SBNO1: variants seen among roughly 807,000 people sequenced by gnomAD.
The protein encoded by SBNO1 is protein strawberry notch homolog 1.
Under a neutral mutation model 173.6 loss-of-function variants are expected in SBNO1, and 23 were observed. The observed-to-expected ratio is 0.13, with a 90% CI of 0.10 to 0.19. The LOEUF is 0.19. Ranked by LOEUF, SBNO1 falls within the 10% of genes least tolerant of loss-of-function variation. The pLI, the probability that SBNO1 is intolerant of heterozygous loss-of-function variation, is 1.00. For missense variants in SBNO1, 1,238 were observed against 1,671.2 expected (o/e 0.74, Z 4.52); for synonymous variants, 632 against 571.5 (o/e 1.11, Z -1.51).
intron 23 of SBNO1, 88 bp from the exon 24 acceptor site, chr12:123,313,807 G>A: frequency 1.4e-6 from 1 of 739,330 alleles, no homozygotes; most frequent in Non-Finnish European, 2.3e-6. Context: ...AAAAACTACT[G>A]GCTGGGTGCG....
chr12:123,303,038 T>A (rs1012977846), intron 29 of SBNO1, 138 bp from the exon 30 acceptor site: 18 of 639,688 alleles, frequency 2.8e-5, no homozygotes, highest in Non-Finnish European at 5.6e-6. Context: ...ATTAACTGAA[T>A]CTGAACGCCA....
rs146350036 is a variant in SBNO1 at position 123,325,089 on chromosome 12, C to A, written c.1973+413G>T. Among the ~76,000 whole-genome samples, 242 of 152,248 alleles carry A rather than the reference C, an allele frequency of 1.6e-3. 3 individuals carry two copies. The highest frequency in any genetic ancestry group is 5.5e-3 in the African/African-American group (227 of 41,542). On this transcript the variant is annotated intron_variant, in intron 15 of 31. Transcript: ENST00000602398. ...GCCTCCCAAAGTGCTGAGATTACAG[C>A]TGTGAGCCACCATGCTCAGCCAACT... is the stretch of plus-strand genomic sequence containing the variant.
At chr12:123,307,020 T>TTA (rs755357101) in intron 28 of SBNO1, among the ~76,000 whole-genome samples, 12 of 64,414 alleles carry the variant, frequency 1.9e-4, no homozygotes, top group Non-Finnish European at 2.5e-4. Flanking sequence ...TCAACTGCAT[T>TTA]AAAAAAAAAA....
chr12:123,364,380 C>A (rs1201247186), intron 1 of SBNO1: 1 of 985,158 alleles, frequency 1.0e-6, no homozygotes, highest in African/African-American at 1.7e-5. Context: ...CGTGCACAGA[C>A]CCTGCCCCGC....
At chr12:123,360,161 C>T (rs553908790) in intron 1 of SBNO1, among the ~76,000 whole-genome samples, 1 of 151,740 alleles carries the variant, frequency 6.6e-6, no homozygotes, top group Admixed American at 6.6e-5. Context: ...AGGAGAATCG[C>T]TTGAATCTGG....
chr12:123,324,646 C>T (rs548571792), intron 15 of SBNO1, among the ~76,000 whole-genome samples: 2 of 151,952 alleles, frequency 1.3e-5, no homozygotes, highest in Non-Finnish European at 2.9e-5. Flanking sequence ...TGAATGCATC[C>T]CGAGGCACAA....
chr12:123,340,347 G>A (rs898938621), intron 5 of SBNO1, among the ~76,000 whole-genome samples: 33 of 152,066 alleles, frequency 2.2e-4, no homozygotes, highest in African/African-American at 7.5e-4. Context: ...TTCGGAGGCT[G>A]AGGCGGGCAG....
intron 1 of SBNO1, among the ~76,000 whole-genome samples, chr12:123,363,360 G>A (rs932940825): frequency 6.6e-6 from 1 of 152,106 alleles, no homozygotes; most frequent in African/African-American, 2.4e-5. Context: ...AGAAAATATG[G>A]TGGAAAATAG....
intron 7 of SBNO1, among the ~76,000 whole-genome samples, chr12:123,332,424 T>C: frequency 6.6e-6 from 1 of 152,066 alleles, no homozygotes; most frequent in Middle Eastern, 3.2e-3. Context: ...CCCGAGTAGC[T>C]AGGATTACAG....
chr12:123,362,560 G>A (rs1012198801), intron 1 of SBNO1, among the ~76,000 whole-genome samples: 2 of 150,572 alleles, frequency 1.3e-5, no homozygotes, highest in Non-Finnish European at 3.0e-5. Flanking sequence ...GAGGTCACTA[G>A]TGTGAGACCA....
intron 3 of SBNO1, among the ~76,000 whole-genome samples, chr12:123,346,840 C>T (rs1440530713): frequency 4.0e-5 from 6 of 151,722 alleles, no homozygotes; most frequent in Non-Finnish European, 7.4e-5. Context: ...CACTTTGGGA[C>T]GCTGAGATGG....
chr12:123,344,481 A>G (rs12298826), intron 4 of SBNO1, among the ~76,000 whole-genome samples: 41,121 of 152,084 alleles, frequency 0.27, 6,744 homozygotes, highest in African/African-American at 0.45. Context: ...GTCACTTAAG[A>G]CAAAGTTCTA....
intron 17 of SBNO1, among the ~76,000 whole-genome samples, chr12:123,321,099 C>G (rs916808481): frequency 6.6e-6 from 1 of 152,142 alleles, no homozygotes; most frequent in African/African-American, 2.4e-5. Flanking sequence ...GCCACCACAC[C>G]TGGCTAATTT....
intron 7 of SBNO1, among the ~76,000 whole-genome samples, chr12:123,333,182 A>T (rs927569198): frequency 1.3e-5 from 2 of 152,192 alleles, no homozygotes; most frequent in African/African-American, 4.8e-5. Context: ...AGCCAAATTA[A>T]AAGTTTTATA....
intron 31 of SBNO1, 59 bp from the exon 32 acceptor site, chr12:123,296,109 T>C: frequency 9.2e-7 from 1 of 1,084,358 alleles, no homozygotes; most frequent in Non-Finnish European, 1.4e-6. Context: ...ACTGTACAGC[T>C]TCACAGCAGA....
chr12:123,361,103 G>A (rs932575135), intron 1 of SBNO1, among the ~76,000 whole-genome samples: 1 of 152,194 alleles, frequency 6.6e-6, no homozygotes, highest in Non-Finnish European at 1.5e-5. Context: ...AATTAGCTGG[G>A]CGTGGTGGCA....
chr12:123,297,170 G>A (rs1006269370), intron 31 of SBNO1, among the ~76,000 whole-genome samples: 1 of 150,488 alleles, frequency 6.6e-6, no homozygotes, highest in Non-Finnish European at 1.5e-5. Flanking sequence ...GACTAGCCTG[G>A]CCAACATGGT....
At chr12:123,324,836 C>T (rs997047226) in intron 15 of SBNO1, among the ~76,000 whole-genome samples, 1 of 151,828 alleles carries the variant, frequency 6.6e-6, no homozygotes, top group African/African-American at 2.4e-5. Context: ...CAGGGTCTCA[C>T]TCTGCCGCCC....
At chr12:123,337,667 A>G (rs1257293075) in intron 5 of SBNO1, among the ~76,000 whole-genome samples, 1 of 152,184 alleles carries the variant, frequency 6.6e-6, no homozygotes, top group Admixed American at 6.6e-5. Context: ...TCAATTTCGG[A>G]AATTCGAGAC....
Sources: gnomAD v4.1 joint callset for allele counts (sites outside exome capture counted in the v4.1 genomes callset) on GRCh38, gnomAD v4.1.1 for gene constraint, MANE v1.5 for transcripts, NCBI Gene and HGNC (gene_info 2026-07-23, HGNC 2026-07-21) for gene names.